The following HSD3B7 variants were observed in gnomAD, a reference collection of about 807,000 sequenced individuals.
HSD3B7 encodes the protein 3 beta-hydroxysteroid dehydrogenase type 7.
Under a neutral mutation model 34.3 loss-of-function variants are expected in HSD3B7, and 35 were observed. The ratio of observed to expected loss-of-function variants is 1.02; its 90% CI spans 0.78 to 1.35. The LOEUF is 1.35. Among genes scored for constraint, HSD3B7 ranks in the 40% most tolerant of loss-of-function variants. HSD3B7 has a pLI of 0.00. For synonymous variants in HSD3B7, 217 were observed against 220.1 expected, an observed-to-expected ratio of 0.99 and a Z score of 0.13; for missense variants, 426 against 504.7, an observed-to-expected ratio of 0.84 and a Z score of 1.49.
chr16:30,985,223 G>A lies in HSD3B7; in HGVS notation c.-81G>A. ...GGAGGAGCCAGCGGAAGGACGGTGTGCGGGCCGGCCAGCCCTGGACGAAAG... is the reference window on the plus strand; with the variant it reads ...GGAGGAGCCAGCGGAAGGACGGTGTACGGGCCGGCCAGCCCTGGACGAAAG... On this transcript the variant is annotated 5_prime_UTR_variant, in exon 1 of 7. Coordinates refer to ENST00000297679, the MANE Select transcript of HSD3B7 (RefSeq NM_025193.4). 3.7e-6 allele frequency: 4 copies of A among 1,090,164 alleles called. No homozygotes were observed. The highest frequency in any genetic ancestry group is 4.5e-6 in the Non-Finnish European group (4 of 890,436). The allele number at this position is 1,090,164 out of a possible 1,614,324, so 67.5% of individuals were successfully genotyped here. A position where few individuals can be genotyped will look rare whatever the true frequency, so the allele number is the denominator to read the frequency against.
At position 30,986,116 on chromosome 16, in the gene HSD3B7, C is replaced by T. The variant is rs143699328; in HGVS notation, c.234C>T (p.Ala78=). 2.6e-4 allele frequency: 422 copies of T among 1,613,980 alleles called. 1 individual carries two copies. In the Middle Eastern group the frequency reaches 7.0e-3, roughly 27 times the overall value. The change falls in exon 3 of 7, where the codon GCC becomes GCT. Residue 78 remains alanine, a synonymous_variant. Coordinates refer to ENST00000297679, the MANE Select transcript of HSD3B7 (RefSeq NM_025193.4). ...TQAHEVAAAV[A]GAHVVIHTAG... is the part of the protein sequence containing the mutation. ...CCCATGAGGTGGCAGCAGCTGTGGC[C>T]GGAGCCCATGTGGTCATCCACACGG...
rs2056488299 is a variant in HSD3B7, at chr16:30,986,858, CT to C, written c.551del (p.Leu184ArgfsTer2). The C allele has an allele frequency of 6.2e-7, 1 of 1,614,014 alleles. No homozygotes were observed. The highest frequency in any genetic ancestry group is 8.5e-7 in the Non-Finnish European group (1 of 1,180,046). The part of the protein sequence containing the change: ...NGRKVRGGLP[L>X]VTCALRPTGI... ...CCACCAGGTCCGTGGGGGGCTGCCC[CT>C]GGTGACGTGTGCCCTTCGTCCCACG... On this transcript the variant is annotated frameshift_variant, in exon 6 of 7. Transcript: ENST00000297679. LOFTEE classifies it high-confidence loss of function.
At position 30,986,528 on chromosome 16, in the gene HSD3B7, A is replaced by G; in HGVS notation, c.428A>G (p.Tyr143Cys). The stretch of plus-strand genomic sequence containing the variant: ...CCTAACACCAAAGGTCACCCCTTCT[A>G]CAGGTGAGTGGCAGGCCCTCTTGTC... The part of the protein sequence containing the change: ...VGPNTKGHPF[Y>C]RGNEDTPYEA... Residue 143 changes from tyrosine (Y) to cysteine (C), a missense_variant, in exon 4 of 7, where the codon TAC becomes TGC. By Grantham distance (194) the Tyr-to-Cys change is radical. Coordinates refer to ENST00000297679, the MANE Select transcript of HSD3B7 (RefSeq NM_025193.4). The G allele has an allele frequency of 6.2e-7, 1 of 1,613,656 alleles. No individual in the cohort carries two copies. The highest frequency in any genetic ancestry group is 8.5e-7 in the Non-Finnish European group (1 of 1,179,546).
intron 6 of HSD3B7, chr16:30,987,287 A>G: frequency 2.0e-6 from 1 of 493,424 alleles, no homozygotes; most frequent in Non-Finnish European, 3.7e-6. Flanking sequence ...CAGTGTGTAC[A>G]CAGCACTAAA....
At chr16:30,987,213 A>G in intron 6 of HSD3B7, 2 of 603,692 alleles carry the variant, frequency 3.3e-6, no homozygotes, top group Middle Eastern at 4.5e-4. Context: ...AAAGTGTATC[A>G]TAGGCTACAG....
At chr16:30,985,343 C>G (rs534362889) in intron 1 of HSD3B7, 46 bp downstream of exon 1, 1 of 1,264,862 alleles carries the variant, frequency 7.9e-7, no homozygotes, top group Admixed American at 3.4e-5. Context: ...TCCCTCCATC[C>G]GGCCCTTCCC....
chr16:30,986,669 GCCGA>G lies in HSD3B7; in HGVS notation c.497_500del (p.Ala166GlyfsTer19). On this transcript the variant is annotated frameshift_variant, in exon 5 of 7. Coordinates refer to ENST00000297679, the MANE Select transcript of HSD3B7 (RefSeq NM_025193.4). LOFTEE classifies it high-confidence loss of function. ...CCCCTATCCTTGCAGCAAGGCCCTG[GCCGA>G]GTGGCTGGTCCTGGAGGCCAACGGG... 2 of 1,614,170 alleles carry G rather than the reference GCCGA, an allele frequency of 1.2e-6. No homozygotes were observed. The highest frequency in any genetic ancestry group is 1.7e-6 in the Non-Finnish European group (2 of 1,180,024).
Position 30,988,128 on chromosome 16 carries a change from A to G in HSD3B7, c.1055A>G (p.Asp352Gly), listed in dbSNP as rs201485331. 1.7e-4 allele frequency: 274 copies of G among 1,606,376 alleles called. No homozygotes were observed. Among genetic ancestry groups the G allele is most frequent in the Non-Finnish European group, 2.3e-4 (268 of 1,178,596 alleles). ...TATGAGCCCCTGTTCTCGTGGGAGG[A>G]TAGCCGGACCCGTACCATTCTCTGG... ...FGYEPLFSWE[D>G]SRTRTILWVQ... The change falls in exon 7 of 7, where the codon GAT (aspartate) becomes GGT (glycine). Residue 352 changes from aspartate (D) to glycine (G), a missense_variant. Coordinates refer to ENST00000297679, the MANE Select transcript of HSD3B7 (RefSeq NM_025193.4).
In HSD3B7 at chr16:30,988,070, G is replaced by C. The variant is rs143419053; in HGVS notation, c.997G>C (p.Val333Leu). 6.2e-7 allele frequency: 1 copy of C among 1,606,166 alleles called. No homozygotes were observed. Among genetic ancestry groups the C allele is most frequent in the South Asian group, 1.1e-5 (1 of 91,072 alleles). ...TLAVANTTFT[V>L]STDKAQRHFG... The stretch of plus-strand genomic sequence containing the variant: ...GGCCGTGGCCAACACCACCTTCACC[G>C]TCAGCACCGACAAGGCTCAGCGCCA... Residue 333 changes from valine (V) to leucine (L), a missense_variant, in exon 7 of 7, where the codon GTC becomes CTC. By Grantham distance (32) the Val-to-Leu change is conservative (BLOSUM62 1). Transcript: ENST00000297679.
At position 30,988,407 on chromosome 16, in the gene HSD3B7, A is replaced by C. The variant is rs1007287217; in HGVS notation, c.*224A>C. 1.3e-5 allele frequency: 7 copies of C among 546,306 alleles called. No individual in the cohort carries two copies. Among genetic ancestry groups the C allele is most frequent in the Non-Finnish European group, 2.3e-5 (7 of 305,724 alleles). The allele number at this position is 546,306 out of a possible 1,614,324, so 33.8% of individuals were successfully genotyped here. Reference sequence around the variant, plus strand: ...GAGTGCAGTGGTGTGATCATAGCTCACTGCACCCTCAACCTCCTGGGTTCA... The same window carrying C: ...GAGTGCAGTGGTGTGATCATAGCTCCCTGCACCCTCAACCTCCTGGGTTCA... On this transcript the variant is annotated 3_prime_UTR_variant, in exon 7 of 7. Transcript: ENST00000297679.
At chr16:30,985,472 T>G in intron 1 of HSD3B7, 175 bp downstream of exon 1, 1 of 1,481,894 alleles carries the variant, frequency 6.7e-7, no homozygotes, top group South Asian at 1.3e-5. Context: ...CGCCCCTCTC[T>G]CCGTAACTCA....
Position 30,986,138 on chromosome 16 carries a change from A to G in HSD3B7, c.256A>G (p.Thr86Ala), listed in dbSNP as rs911770274. The G allele has an allele frequency of 6.8e-6, 11 of 1,613,888 alleles. No individual in the cohort carries two copies. The African/African-American group carries it at 1.2e-4, about 18-fold the overall frequency. The stretch of plus-strand genomic sequence containing the variant: ...GGCCGGAGCCCATGTGGTCATCCAC[A>G]CGGCTGGGCTGGTAGACGTGTTTGG... ...AVAGAHVVIH[T>A]AGLVDVFGRA... Residue 86 changes from threonine to alanine, a missense_variant, in exon 3 of 7, where the codon ACG becomes GCG. Thr to Ala is a moderately conservative substitution (Grantham distance 58, BLOSUM62 0). Coordinates refer to ENST00000297679, the MANE Select transcript of HSD3B7 (RefSeq NM_025193.4).
In HSD3B7 at chr16:30,988,761, C is replaced by T. The variant is rs1227564884; in HGVS notation, c.*578C>T. On this transcript the variant is annotated 3_prime_UTR_variant, in exon 7 of 7. Transcript: ENST00000297679. ...CCTTCCTCTGTCCTCTCATCCCAGTCCTGATGGCCGCTTGGTGAGTGTCTG... is the reference window on the plus strand; with the variant it reads ...CCTTCCTCTGTCCTCTCATCCCAGTTCTGATGGCCGCTTGGTGAGTGTCTG... The T allele has an allele frequency of 6.5e-6, 1 of 153,950 alleles. No individual in the cohort carries two copies. Among genetic ancestry groups the T allele is most frequent in the Non-Finnish European group, 1.4e-5 (1 of 69,192 alleles). The allele number at this position is 153,950 out of a possible 1,614,324, so 9.5% of individuals were successfully genotyped here.
At position 30,985,696 on chromosome 16, in the gene HSD3B7, T is replaced by C; in HGVS notation, c.38T>C (p.Leu13Pro). 1 of 1,608,694 alleles carries C rather than the reference T, an allele frequency of 6.2e-7. No individual in the cohort carries two copies. Residue 13 changes from leucine (L) to proline (P), a missense_variant, in exon 2 of 7, where the codon CTG becomes CCG. Leu to Pro is a moderately conservative substitution (Grantham distance 98). Coordinates refer to ENST00000297679, the MANE Select transcript of HSD3B7 (RefSeq NM_025193.4). ...DSAQAQKLVY[L>P]VTGGCGFLGE... Reference sequence around the variant, plus strand: ...GCACAGGCCCAGAAGCTGGTGTACCTGGTCACAGGGGGCTGTGGCTTCCTG... The same window carrying C: ...GCACAGGCCCAGAAGCTGGTGTACCCGGTCACAGGGGGCTGTGGCTTCCTG...
In HSD3B7 at chr16:30,986,175, C is replaced by T. The variant is rs778632985; in HGVS notation, c.293C>T (p.Pro98Leu). ...GTAGACGTGTTTGGCAGGGCCAGTC[C>T]CAAGACCATCCATGAGGTCAACGTG... is the stretch of plus-strand genomic sequence containing the variant. ...GLVDVFGRAS[P>L]KTIHEVNVQG... Residue 98 changes from proline to leucine, a missense_variant, in exon 3 of 7, where the codon CCC (proline) becomes CTC (leucine). Transcript: ENST00000297679. The T allele has an allele frequency of 6.2e-7, 1 of 1,614,042 alleles. No individual in the cohort carries two copies. Among genetic ancestry groups the T allele is most frequent in the Non-Finnish European group, 8.5e-7 (1 of 1,180,000 alleles).
At position 30,986,622 on chromosome 16, in the gene HSD3B7, C is replaced by T. The variant is rs2056483640; in HGVS notation, c.449C>T (p.Pro150Leu). 2.7e-5 allele frequency: 43 copies of T among 1,614,090 alleles called. No homozygotes were observed. The East Asian group carries it at 9.1e-4, about 34-fold the overall frequency. ...HPFYRGNEDT[P>L]YEAVHRHPYP... ...CCCACCAGGGGCAACGAAGACACCC[C>T]ATACGAAGCAGTGCACAGGCACCCC... Residue 150 changes from proline (P) to leucine (L), a missense_variant, in exon 5 of 7, where the codon CCA (proline) becomes CTA (leucine). By Grantham distance (98) the Pro-to-Leu change is moderately conservative. Coordinates refer to ENST00000297679, the MANE Select transcript of HSD3B7 (RefSeq NM_025193.4).
rs1200778314 is a variant in HSD3B7, at chr16:30,986,851, G to A, written c.543G>A (p.Gly181=). ...LEANGRKVRG[G]LPLVTCALRP... is the part of the protein sequence containing the mutation. ...GCCTTTGCCACCAGGTCCGTGGGGG[G>A]CTGCCCCTGGTGACGTGTGCCCTTC... The change falls in exon 6 of 7, where the codon GGG becomes GGA. Residue 181 remains glycine (G), a synonymous_variant. Transcript: ENST00000297679. 2.5e-6 allele frequency: 4 copies of A among 1,613,986 alleles called. No homozygotes were observed. The highest frequency in any genetic ancestry group is 3.4e-6 in the Non-Finnish European group (4 of 1,180,030).
rs1271097354 is a variant in HSD3B7 at position 30,988,106 on chromosome 16, G to A, written c.1033G>A (p.Glu345Lys). The A allele has an allele frequency of 1.9e-6, 3 of 1,606,080 alleles. No homozygotes were observed. The highest frequency in any genetic ancestry group is 1.7e-6 in the Non-Finnish European group (2 of 1,178,400). Reference protein sequence around the residue: ...TDKAQRHFGYEPLFSWEDSRT... With the variant: ...TDKAQRHFGYKPLFSWEDSRT... ...CAAGGCTCAGCGCCATTTCGGCTATGAGCCCCTGTTCTCGTGGGAGGATAG... is the reference window on the plus strand; with the variant it reads ...CAAGGCTCAGCGCCATTTCGGCTATAAGCCCCTGTTCTCGTGGGAGGATAG... Residue 345 changes from glutamate to lysine, a missense_variant, in exon 7 of 7, where the codon GAG (glutamate) becomes AAG (lysine). Coordinates refer to ENST00000297679, the MANE Select transcript of HSD3B7 (RefSeq NM_025193.4).
chr16:30,986,125 T>G lies in HSD3B7; in HGVS notation c.243T>G (p.His81Gln), dbSNP rs1386218325. ...HEVAAAVAGA[H>Q]VVIHTAGLVD... ...TGGCAGCAGCTGTGGCCGGAGCCCA[T>G]GTGGTCATCCACACGGCTGGGCTGG... is the stretch of plus-strand genomic sequence containing the variant. Residue 81 changes from histidine to glutamine, a missense_variant, in exon 3 of 7, where the codon CAT (histidine) becomes CAG (glutamine). By Grantham distance (24) the His-to-Gln change is conservative (BLOSUM62 0). Coordinates refer to ENST00000297679, the MANE Select transcript of HSD3B7 (RefSeq NM_025193.4). The G allele has an allele frequency of 6.2e-7, 1 of 1,613,884 alleles. No homozygotes were observed. The highest frequency in any genetic ancestry group is 8.5e-7 in the Non-Finnish European group (1 of 1,180,020).
Sources: gnomAD v4.1 joint callset for allele counts on GRCh38, gnomAD v4.1.1 for gene constraint, MANE v1.5 for transcripts, NCBI Gene and HGNC (gene_info 2026-07-23, HGNC 2026-07-21) for gene names.